Variants in DNAH9 observed in about 807,000 individuals in gnomAD.
DNAH9 encodes dynein axonemal heavy chain 9.
DNAH9 carries 345 observed loss-of-function variants against 471.6 expected under a neutral mutation model. The observed-to-expected ratio is 0.73, with a 90% CI of 0.67 to 0.80. DNAH9 has a LOEUF of 0.80. DNAH9 is among the 30% of genes least tolerant of loss of function. The pLI is 0.00. For synonymous variants in DNAH9, 2,093 were observed against 2,123.6 expected, an observed-to-expected ratio of 0.99 and a Z score of 0.40; for missense variants, 5,407 against 5,609.2, an observed-to-expected ratio of 0.96 and a Z score of 1.15.
In DNAH9 at chr17:11,843,707, ATTGT is replaced by A. The variant is rs968226916; in HGVS notation, c.9507+8812_9507+8815del. Among the ~76,000 whole-genome samples the A allele has an allele frequency of 7.9e-5, 12 of 151,314 alleles. No individual in the cohort carries two copies. The East Asian group carries it at 2.1e-3, about 27-fold the overall frequency. The stretch of plus-strand genomic sequence containing the variant: ...ATATTCAGATGGAAGAAAAGTGTGC[ATTGT>A]TTATTTTAAATCATATTTGCAAAAA... On this transcript the variant is annotated intron_variant, in intron 49 of 68. Transcript: ENST00000262442.
chr17:11,789,079 C>A (rs1374631456), intron 41 of DNAH9, among the ~76,000 whole-genome samples: 2 of 151,972 alleles, frequency 1.3e-5, no homozygotes, highest in Non-Finnish European at 1.5e-5. Context: ...GGAATCAACT[C>A]ATTTTGGTTG....
At chr17:11,953,255 G>GACTT (rs891731836) in intron 67 of DNAH9, among the ~76,000 whole-genome samples, 2 of 152,096 alleles carry the variant, frequency 1.3e-5, no homozygotes, top group Admixed American at 1.3e-4. Flanking sequence ...GCATTAGCCT[G>GACTT]ACTTACCGTT....
At position 11,769,123 on chromosome 17, in the gene DNAH9, C is replaced by A. The variant is rs756091405; in HGVS notation, c.7346C>A (p.Ala2449Glu). 6 of 1,614,006 alleles carry A rather than the reference C, an allele frequency of 3.7e-6. No homozygotes were observed. In the African/African-American group the frequency reaches 5.3e-5, roughly 14 times the overall value. Residue 2449 changes from alanine (A) to glutamate (E), a missense_variant and splice_region_variant, in exon 38 of 69, where the codon GCG becomes GAG. Transcript: ENST00000262442. ...FEFDPEMPLQ[A>E]CLVHTSETIR... Reference sequence around the variant, plus strand: ...AGGCTTATTGTGCTCCCATTCCAGGCGTGTTTGGTGCACACGAGTGAGACC... The same window carrying A: ...AGGCTTATTGTGCTCCCATTCCAGGAGTGTTTGGTGCACACGAGTGAGACC...
intron 61 of DNAH9, among the ~76,000 whole-genome samples, chr17:11,913,897 G>A (rs1481662852): frequency 5.9e-5 from 9 of 152,002 alleles, no homozygotes; most frequent in African/African-American, 2.2e-4. Flanking sequence ...CTCATCTTGT[G>A]TCAGCTATGT....
intron 26 of DNAH9, among the ~76,000 whole-genome samples, chr17:11,708,014 CAGAGAGAGAGAGAGAG>C (rs34314090): frequency 7.7e-5 from 4 of 52,150 alleles, no homozygotes; most frequent in African/African-American, 2.9e-4. Flanking sequence ...CACACACACA[CAGAGAGAGAGAGAGAG>C]AGAGAGAGAG....
At position 11,932,848 on chromosome 17, in the gene DNAH9, C is replaced by T. The variant is rs1974565030; in HGVS notation, c.12297+643C>T. ...GTAGACTGTGATCAGCAGGAAGAGA[C>T]TTCACACTCGCCTGATATAAGTTCC... On this transcript the variant is annotated intron_variant, in intron 64 of 68. Coordinates refer to ENST00000262442, the MANE Select transcript of DNAH9 (RefSeq NM_001372.4). The surrounding 1 kb of genome is among the most constrained non-coding windows in gnomAD (Gnocchi z 4.3). Among the ~76,000 whole-genome samples, 1 of 152,148 alleles carries T rather than the reference C, an allele frequency of 6.6e-6. No homozygotes were observed. Among genetic ancestry groups the T allele is most frequent in the Non-Finnish European group, 1.5e-5 (1 of 68,032 alleles).
intron 67 of DNAH9, among the ~76,000 whole-genome samples, chr17:11,951,766 T>G (rs927139065): frequency 1.1e-4 from 16 of 151,952 alleles, no homozygotes; most frequent in Non-Finnish European, 1.5e-5. Flanking sequence ...CTACTAAATA[T>G]ACAAAACTCA....
At chr17:11,802,332 G>A (rs1228747021) in intron 43 of DNAH9, among the ~76,000 whole-genome samples, 1 of 152,066 alleles carries the variant, frequency 6.6e-6, no homozygotes, top group East Asian at 1.9e-4. Flanking sequence ...CTTCTGAGAC[G>A]CAAAGTGGGA....
chr17:11,624,654 G>T (rs149198127), intron 6 of DNAH9, among the ~76,000 whole-genome samples: 34 of 152,322 alleles, frequency 2.2e-4, no homozygotes, highest in Non-Finnish European at 4.4e-4. Context: ...GGGACAGCTG[G>T]TTCCAAGTAC....
intron 14 of DNAH9, among the ~76,000 whole-genome samples, chr17:11,660,185 T>C (rs1597446747): frequency 6.6e-6 from 1 of 152,104 alleles, no homozygotes; most frequent in African/African-American, 2.4e-5. Flanking sequence ...GGGTATAAAC[T>C]TAGGGTCTTG....
At chr17:11,659,593 G>A (rs1242139577) in intron 14 of DNAH9, among the ~76,000 whole-genome samples, 1 of 152,208 alleles carries the variant, frequency 6.6e-6, no homozygotes, top group African/African-American at 2.4e-5. Flanking sequence ...TAAATTCATT[G>A]TATCTTGAAT....
At chr17:11,672,736 C>T (rs1442510194) in intron 17 of DNAH9, among the ~76,000 whole-genome samples, 6 of 152,094 alleles carry the variant, frequency 3.9e-5, no homozygotes, top group Admixed American at 1.3e-4. Flanking sequence ...CTCCCTCCAA[C>T]GCCCTTCACT....
In DNAH9 at chr17:11,694,012, C is replaced by T. The variant is rs1001502254; in HGVS notation, c.4745+14C>T. On this transcript the variant is annotated intron_variant, in intron 21 of 68. Coordinates refer to ENST00000262442, the MANE Select transcript of DNAH9 (RefSeq NM_001372.4). ...TATTCAGGGCAGGTGAGGGTCCGCC[C>T]ATTACCCCTTCTCTAATAAGAAGGC... The T allele has an allele frequency of 1.1e-5, 18 of 1,609,612 alleles. No homozygotes were observed. The highest frequency in any genetic ancestry group is 4.0e-5 in the African/African-American group (3 of 74,478).
intron 4 of DNAH9, among the ~76,000 whole-genome samples, chr17:11,617,054 C>T: frequency 6.6e-6 from 1 of 152,170 alleles, no homozygotes; most frequent in South Asian, 2.1e-4. Context: ...AATTGCCAAG[C>T]GTCTCGGCCA....
chr17:11,910,307 C>T (rs557612758), intron 61 of DNAH9, among the ~76,000 whole-genome samples: 15 of 151,958 alleles, frequency 9.9e-5, no homozygotes, highest in African/African-American at 2.4e-4. Context: ...AAATCATATA[C>T]AATATGCTTT....
At chr17:11,869,560 G>A (rs913060469) in intron 51 of DNAH9, among the ~76,000 whole-genome samples, 3 of 152,264 alleles carry the variant, frequency 2.0e-5, no homozygotes, top group African/African-American at 7.2e-5. Flanking sequence ...ACAAGACAAA[G>A]CCAGCATTTT....
chr17:11,947,592 T>A (rs1975174904), intron 67 of DNAH9, among the ~76,000 whole-genome samples: 2 of 152,068 alleles, frequency 1.3e-5, no homozygotes, highest in Non-Finnish European at 2.9e-5. Context: ...ATTTTAGATA[T>A]ATTGAGTTAA....
At chr17:11,599,023 G>T in intron 1 of DNAH9, 108 bp downstream of exon 1, 3 of 935,310 alleles carry the variant, frequency 3.2e-6, no homozygotes, top group Middle Eastern at 3.3e-4. Context: ...AGCTGCAGGG[G>T]AGGTCCAAGA....
chr17:11,664,175 C>T (rs180715961), intron 14 of DNAH9, among the ~76,000 whole-genome samples: 1 of 151,774 alleles, frequency 6.6e-6, no homozygotes, highest in South Asian at 2.1e-4. Flanking sequence ...ATTTAGGCTT[C>T]CTTTCCTTGA....
Sources: gnomAD v4.1 joint callset for allele counts (sites outside exome capture counted in the v4.1 genomes callset) on GRCh38, gnomAD v4.1.1 for gene constraint, Gnocchi (gnomAD v3.1) non-coding constraint, MANE v1.5 for transcripts, NCBI Gene and HGNC (gene_info 2026-07-23, HGNC 2026-07-21) for gene names.